EIF4G3: variants seen among roughly 807,000 people sequenced by gnomAD.
The protein encoded by EIF4G3 is eukaryotic translation initiation factor 4 gamma 3, also known as eIF-4-gamma 3.
Under a neutral mutation model 186.4 loss-of-function variants are expected in EIF4G3, and 34 were observed. The observed-to-expected ratio is 0.18, with a 90% CI of 0.14 to 0.24. The LOEUF is 0.24. Ranked by LOEUF, EIF4G3 falls within the 10% of genes least tolerant of loss-of-function variation. EIF4G3 has a pLI of 1.00. For synonymous variants in EIF4G3, 673 were observed against 679.5 expected (o/e 0.99, Z 0.15); for missense variants, 1,536 against 1,948.5 (o/e 0.79, Z 3.99).
intron 2 of EIF4G3, among the ~76,000 whole-genome samples, chr1:21,149,832 T>C (rs187701507): frequency 3.7e-4 from 57 of 152,336 alleles, no homozygotes; most frequent in Non-Finnish European, 6.9e-4. Context: ...CCCACCAAGC[T>C]AGAAATCACC....
At chr1:20,841,873 G>C (rs1380299514) in intron 29 of EIF4G3, among the ~76,000 whole-genome samples, 1 of 149,764 alleles carries the variant, frequency 6.7e-6, no homozygotes, top group Non-Finnish European at 1.5e-5. Flanking sequence ...GGAGGATGTA[G>C]GTAGGAAGGG....
intron 23 of EIF4G3, among the ~76,000 whole-genome samples, 186 bp downstream of exon 23, chr1:20,862,042 G>C (rs893324782): frequency 6.6e-6 from 1 of 151,918 alleles, no homozygotes; most frequent in Non-Finnish European, 1.5e-5. Flanking sequence ...GAAGAAGCAC[G>C]TAACTGGCAA....
At chr1:20,807,590 A>C in intron 36 of EIF4G3, 90 bp from the exon 37 acceptor site, 1 of 1,150,950 alleles carries the variant, frequency 8.7e-7, no homozygotes, top group South Asian at 2.3e-5. Context: ...GACTGAATAA[A>C]TGTGCATTAA....
intron 4 of EIF4G3, among the ~76,000 whole-genome samples, chr1:21,007,684 AT>A (rs2154569502): frequency 6.6e-6 from 1 of 151,944 alleles, no homozygotes; most frequent in East Asian, 1.9e-4. Context: ...CCATAATAAT[AT>A]TAAGTGACAA....
At chr1:20,892,338 A>G (rs1473360717) in intron 18 of EIF4G3, among the ~76,000 whole-genome samples, 2 of 152,220 alleles carry the variant, frequency 1.3e-5, no homozygotes, top group African/African-American at 4.8e-5. Context: ...AACTTTCCCC[A>G]TGCTTTCTGC....
chr1:21,145,603 A>C (rs2097426006), intron 2 of EIF4G3, among the ~76,000 whole-genome samples: 1 of 152,134 alleles, frequency 6.6e-6, no homozygotes, highest in African/African-American at 2.4e-5. Flanking sequence ...ATTTGAAACA[A>C]AATTAAAAAC....
intron 13 of EIF4G3, among the ~76,000 whole-genome samples, chr1:20,947,447 A>C (rs745670508): frequency 1.3e-5 from 2 of 148,260 alleles, no homozygotes; most frequent in Non-Finnish European, 3.0e-5. Flanking sequence ...AATTTGGTTA[A>C]AAAAAAAAAA....
Position 20,879,435 on chromosome 1 carries a change from G to C in EIF4G3, c.2510C>G (p.Thr837Ser). 1.9e-6 allele frequency: 3 copies of C among 1,597,162 alleles called. No individual in the cohort carries two copies. The highest frequency in any genetic ancestry group is 2.6e-6 in the Non-Finnish European group (3 of 1,171,418). ...TTTCAGCCGCTCCTCTGTGTCAACAGTAAGTCCTGACACTTGCTTCATCAG... is the reference window on the plus strand; with the variant it reads ...TTTCAGCCGCTCCTCTGTGTCAACACTAAGTCCTGACACTTGCTTCATCAG... Reference protein sequence around the residue: ...NQLMKQVSGLTVDTEERLKGV... With the variant: ...NQLMKQVSGLSVDTEERLKGV... Residue 837 changes from threonine (T) to serine (S), a missense_variant, in exon 20 of 37, where the codon ACT becomes AGT. Physicochemically the swap from Thr to Ser is moderately conservative, Grantham distance 58. Around this residue, in one of 11 missense-constraint regions of EIF4G3, gnomAD observed 139 missense variants for 192.8 expected, o/e 0.72. Transcript: ENST00000602326.
At chr1:21,102,200 C>T (rs550198707) in intron 2 of EIF4G3, among the ~76,000 whole-genome samples, 2 of 152,230 alleles carry the variant, frequency 1.3e-5, no homozygotes, top group East Asian at 3.9e-4. Flanking sequence ...TCTGTAATCC[C>T]ACCACTTTGG....
Position 20,840,866 on chromosome 1 carries a change from A to C in EIF4G3, c.4051T>G (p.Phe1351Val). 1 of 1,614,136 alleles carries C rather than the reference A, an allele frequency of 6.2e-7. No individual in the cohort carries two copies. Among genetic ancestry groups the C allele is most frequent in the Non-Finnish European group, 8.5e-7 (1 of 1,179,996 alleles). The change falls in exon 30 of 37, where the codon TTT (phenylalanine) becomes GTT (valine). Residue 1351 changes from phenylalanine to valine, a missense_variant. Around this residue, in one of 11 missense-constraint regions of EIF4G3, gnomAD observed 395 missense variants for 498.9 expected, o/e 0.79. Transcript: ENST00000602326. ...VQSEKLSKQD[F>V]FKGFSETLEL... ...GAAGAGGATACTGACCCTTTGAAAA[A>C]GTCCTGTTTGCTGAGTTTTTCTGAC...
chr1:21,091,816 T>C (rs1334036356), intron 2 of EIF4G3, among the ~76,000 whole-genome samples: 2 of 152,184 alleles, frequency 1.3e-5, no homozygotes, highest in African/African-American at 4.8e-5. Flanking sequence ...TATATAAGAA[T>C]GCTTGTGATT....
At chr1:20,987,620 T>C (rs1305349245) in intron 7 of EIF4G3, among the ~76,000 whole-genome samples, 1 of 152,220 alleles carries the variant, frequency 6.6e-6, no homozygotes. Context: ...CGCCATGAAC[T>C]GCACCCATAG....
intron 3 of EIF4G3, among the ~76,000 whole-genome samples, chr1:21,067,499 TAAC>T (rs1231429241): frequency 2.0e-5 from 3 of 152,128 alleles, no homozygotes; most frequent in Non-Finnish European, 4.4e-5. Flanking sequence ...CATTAAATAT[TAAC>T]AACAAGGAAT....
At chr1:20,949,417 G>A (rs1030512985) in intron 13 of EIF4G3, among the ~76,000 whole-genome samples, 1 of 152,134 alleles carries the variant, frequency 6.6e-6, no homozygotes, top group Non-Finnish European at 1.5e-5. Flanking sequence ...CTTTTCCTGT[G>A]ATAGGCATGT....
At position 20,886,074 on chromosome 1, in the gene EIF4G3, C is replaced by A. The variant is rs113483942; in HGVS notation, c.2424+127G>T. The A allele has an allele frequency of 3.0e-4, 358 of 1,203,810 alleles. No homozygotes were observed. The African/African-American group carries it at 5.2e-3, about 18-fold the overall frequency. 74.6% of individuals were successfully genotyped at this position (1,203,810 alleles called of 1,614,324 possible). A position where few individuals can be genotyped will look rare whatever the true frequency, so the allele number is the denominator to read the frequency against. ...ATCCATAATGGCTTTTAGAATAATT[C>A]TTTTAATAGGAAAATGTTATAAAAA... On this transcript the variant is annotated intron_variant, in intron 19 of 36. Coordinates refer to ENST00000602326, the MANE Select transcript of EIF4G3 (RefSeq NM_001391906.1).
At chr1:21,034,045 T>A (rs889938760) in intron 4 of EIF4G3, among the ~76,000 whole-genome samples, 1 of 152,162 alleles carries the variant, frequency 6.6e-6, no homozygotes, top group Non-Finnish European at 1.5e-5. Flanking sequence ...TCAAGAACTA[T>A]GATTATGACA....
At chr1:21,148,952 C>T (rs1163407773) in intron 2 of EIF4G3, among the ~76,000 whole-genome samples, 3 of 151,202 alleles carry the variant, frequency 2.0e-5, no homozygotes, top group Non-Finnish European at 4.4e-5. Flanking sequence ...CTATACTGGC[C>T]AGGTAGGGTG....
intron 14 of EIF4G3, among the ~76,000 whole-genome samples, chr1:20,929,087 G>A (rs976198855): frequency 6.6e-6 from 1 of 152,122 alleles, no homozygotes; most frequent in Non-Finnish European, 1.5e-5. Flanking sequence ...GATATTTCAT[G>A]GTATGTATAT....
chr1:21,071,679 G>A (rs1019567270), intron 3 of EIF4G3, among the ~76,000 whole-genome samples: 8 of 151,654 alleles, frequency 5.3e-5, no homozygotes, highest in African/African-American at 1.9e-4. Flanking sequence ...GGTGGTGCGA[G>A]CCTGTAATCC....
Sources: gnomAD v4.1 joint callset for allele counts (sites outside exome capture counted in the v4.1 genomes callset) on GRCh38, gnomAD v4.1.1 for gene constraint, gnomAD v4.1.1 regional missense constraint, MANE v1.5 for transcripts, NCBI Gene and HGNC (gene_info 2026-07-23, HGNC 2026-07-21) for gene names.